The following WDR70 variants were observed in gnomAD, a reference collection of about 807,000 sequenced individuals.
WDR70 encodes the protein WD repeat domain 70, also known as WD repeat-containing protein 70.
Under a neutral mutation model 88.6 loss-of-function variants are expected in WDR70, and 53 were observed. The observed-to-expected ratio is 0.60, with a 90% CI of 0.48 to 0.75. The LOEUF is 0.75. Ranked by LOEUF, WDR70 falls within the 30% of genes least tolerant of loss-of-function variation. The pLI, the probability that WDR70 is intolerant of heterozygous loss-of-function variation, is 0.00. For missense variants in WDR70, 610 were observed against 823.2 expected (o/e 0.74, Z 3.17); for synonymous variants, 280 against 270.0 (o/e 1.04, Z -0.36).
At chr5:37,527,148 G>A (rs1182233611) in intron 9 of WDR70, among the ~76,000 whole-genome samples, 1 of 152,048 alleles carries the variant, frequency 6.6e-6, no homozygotes, top group East Asian at 1.9e-4. Flanking sequence ...AGTTTATATG[G>A]AACCAAAAAA....
At chr5:37,466,469 G>A (rs1739151493) in intron 7 of WDR70, among the ~76,000 whole-genome samples, 1 of 152,090 alleles carries the variant, frequency 6.6e-6, no homozygotes, top group Non-Finnish European at 1.5e-5. Context: ...CACTTTGGGA[G>A]GCCGAGGCGG....
intron 7 of WDR70, 145 bp from the exon 8 acceptor site, chr5:37,479,689 C>T: frequency 2.1e-6 from 2 of 957,778 alleles, no homozygotes; most frequent in Non-Finnish European, 3.1e-6. Flanking sequence ...GTATTTAGAA[C>T]CCATTTGAGG....
At chr5:37,701,746 A>G (rs1036418844) in intron 12 of WDR70, among the ~76,000 whole-genome samples, 2 of 148,448 alleles carry the variant, frequency 1.3e-5, no homozygotes, top group Non-Finnish European at 3.0e-5. Context: ...AGATTGCGCC[A>G]CTGCACTCCA....
intron 7 of WDR70, among the ~76,000 whole-genome samples, chr5:37,448,731 A>G (rs1738574191): frequency 1.6e-5 from 1 of 63,834 alleles, no homozygotes; most frequent in Non-Finnish European, 4.4e-5. Flanking sequence ...CGTTATTTGG[A>G]TTTCACTGTT....
intron 9 of WDR70, among the ~76,000 whole-genome samples, chr5:37,566,496 A>G (rs1581400051): frequency 1.3e-5 from 2 of 152,144 alleles, no homozygotes; most frequent in African/African-American, 4.8e-5. Flanking sequence ...TTTGCTTAGA[A>G]TACTTTTCCT....
intron 9 of WDR70, among the ~76,000 whole-genome samples, chr5:37,525,276 C>CTCATAAAAAACT (rs1741230705): frequency 6.6e-6 from 1 of 152,210 alleles, no homozygotes; most frequent in Non-Finnish European, 1.5e-5. Flanking sequence ...TATAAAAAAC[C>CTCATAAAAAACT]GTCTCTCAGA....
At chr5:37,380,423 C>T (rs1404107726) in intron 2 of WDR70, among the ~76,000 whole-genome samples, 1 of 152,086 alleles carries the variant, frequency 6.6e-6, no homozygotes, top group East Asian at 1.9e-4. Flanking sequence ...ACTGCAATCT[C>T]TGCCTCCCGG....
chr5:37,702,563 A>G (rs1223238353), intron 12 of WDR70, among the ~76,000 whole-genome samples: 1 of 152,204 alleles, frequency 6.6e-6, no homozygotes, highest in Non-Finnish European at 1.5e-5. Flanking sequence ...ACATTAGTCA[A>G]ATATATATCT....
At chr5:37,548,459 A>C (rs549303597) in intron 9 of WDR70, among the ~76,000 whole-genome samples, 12 of 152,222 alleles carry the variant, frequency 7.9e-5, no homozygotes, top group Non-Finnish European at 1.0e-4. Flanking sequence ...GTCTACTCAG[A>C]TCTTTTGCCC....
chr5:37,448,421 T>C (rs1382988715), intron 7 of WDR70, among the ~76,000 whole-genome samples: 2 of 152,150 alleles, frequency 1.3e-5, no homozygotes, highest in African/African-American at 2.4e-5. Context: ...CTCATTGATA[T>C]TGGGATGTCA....
At chr5:37,640,043 GGT>G (rs1019134704) in intron 10 of WDR70, among the ~76,000 whole-genome samples, 2 of 152,072 alleles carry the variant, frequency 1.3e-5, no homozygotes, top group African/African-American at 4.8e-5. Context: ...AAGAAACCCA[GGT>G]GTGTCTGATT....
At chr5:37,390,635 C>T (rs1052776044) in intron 3 of WDR70, among the ~76,000 whole-genome samples, 49 of 150,708 alleles carry the variant, frequency 3.3e-4, no homozygotes, top group Middle Eastern at 7.2e-3. Flanking sequence ...CCACCACACC[C>T]GGGTAGTATA....
chr5:37,521,731 C>CACAT (rs1741098031), intron 9 of WDR70, among the ~76,000 whole-genome samples: 1 of 151,964 alleles, frequency 6.6e-6, no homozygotes, highest in Non-Finnish European at 1.5e-5. Flanking sequence ...CACACACACA[C>CACAT]ACACACACAC....
chr5:37,449,313 C>T (rs774429351), intron 7 of WDR70, among the ~76,000 whole-genome samples: 3 of 152,130 alleles, frequency 2.0e-5, no homozygotes, highest in South Asian at 2.1e-4. Flanking sequence ...TGCTCCAGGC[C>T]GGGCGCAGTG....
chr5:37,563,618 A>C (rs1235897391), intron 9 of WDR70, among the ~76,000 whole-genome samples: 28 of 20,690 alleles, frequency 1.4e-3, no homozygotes, highest in Admixed American at 2.0e-3. Context: ...GACCCCCCCC[A>C]CCTCCCCCCG....
chr5:37,505,296 A>G (rs905435150), intron 8 of WDR70, among the ~76,000 whole-genome samples: 4 of 152,154 alleles, frequency 2.6e-5, no homozygotes, highest in Non-Finnish European at 5.9e-5. Flanking sequence ...TTAATGATGT[A>G]CCTTGGTTTT....
intron 5 of WDR70, among the ~76,000 whole-genome samples, chr5:37,413,984 A>G (rs1390346748): frequency 6.6e-6 from 1 of 151,714 alleles, no homozygotes; most frequent in East Asian, 1.9e-4. Context: ...TGTCTCTACT[A>G]AAAATACAAA....
chr5:37,448,739 G>GT (rs59753643), intron 7 of WDR70, among the ~76,000 whole-genome samples: 130,686 of 150,912 alleles, frequency 0.87, 59,579 homozygotes, highest in East Asian at 1. Context: ...GGATTTCACT[G>GT]TTTTTTTTTC....
intron 10 of WDR70, among the ~76,000 whole-genome samples, chr5:37,687,696 G>T (rs1018340198): frequency 4.0e-5 from 6 of 151,370 alleles, no homozygotes; most frequent in Non-Finnish European, 7.4e-5. Flanking sequence ...TTCTCATTCC[G>T]TTCATTATAT....
Sources: allele counts gnomAD v4.1 joint callset (sites outside exome capture counted in the v4.1 genomes callset), GRCh38; gene constraint gnomAD v4.1.1; transcripts MANE v1.5; gene names NCBI Gene and HGNC (gene_info 2026-07-23, HGNC 2026-07-21).